PAK4: variants seen among roughly 807,000 people sequenced by gnomAD.
PAK4 encodes p21 (RAC1) activated kinase 4.
PAK4 carries 49 observed loss-of-function variants against 53.5 expected under a neutral mutation model. The observed-to-expected ratio is 0.92, with a 90% CI of 0.73 to 1.16. The LOEUF is 1.16. Ranked by LOEUF, PAK4 falls within the 50% of genes most tolerant of loss-of-function variation. PAK4 has a pLI of 0.00. For missense variants in PAK4, 824 were observed against 850.7 expected (o/e 0.97, Z 0.39); for synonymous variants, 376 against 375.6 (o/e 1.00, Z -0.01).
intron 1 of PAK4, among the ~76,000 whole-genome samples, chr19:39,146,716 C>T (rs2074004508): frequency 6.6e-6 from 1 of 152,072 alleles, no homozygotes; most frequent in Non-Finnish European, 1.5e-5. Context: ...TGCTGTGCAC[C>T]TGGAGTCCCA....
rs998001153 is a variant in PAK4, at chr19:39,173,510, T to C, written c.664-66T>C. 3.8e-5 allele frequency: 53 copies of C among 1,407,208 alleles called. No homozygotes were observed. The highest frequency in any genetic ancestry group is 7.0e-5 in the Admixed American group (3 of 42,900). 87.2% of individuals were successfully genotyped at this position (1,407,208 alleles called of 1,614,324 possible). On this transcript the variant is annotated intron_variant, in intron 3 of 8. Transcript: ENST00000358301. This position sits in a 1 kb window ranked among gnomAD's most constrained non-coding sequence, Gnocchi z 6.9. ...TGTCTGTCCCATCGCTGGGTCTCTC[T>C]CCTGCTTAGGGAGCAGAGCTGCTCC...
At chr19:39,159,102 A>T (rs929467598) in intron 1 of PAK4, among the ~76,000 whole-genome samples, 3 of 152,156 alleles carry the variant, frequency 2.0e-5, no homozygotes, top group African/African-American at 7.2e-5. Flanking sequence ...TTTGCAGATG[A>T]GGACACTGAG....
At chr19:39,163,431 G>A (rs746614921) in intron 1 of PAK4, among the ~76,000 whole-genome samples, 11 of 152,044 alleles carry the variant, frequency 7.2e-5, no homozygotes, top group African/African-American at 9.7e-5. Flanking sequence ...GCACGCTCAC[G>A]TCTGCTGACA....
rs781291016 is a variant in PAK4, at chr19:39,175,385, G to A, written c.1306G>A (p.Val436Ile). Residue 436 changes from valine (V) to isoleucine (I), a missense_variant, in exon 6 of 9, where the codon GTC (valine) becomes ATC (isoleucine). This residue lies in a region of PAK4 where 346 missense variants were observed against 415.0 expected (regional missense o/e 0.83). Coordinates refer to ENST00000358301, the Ensembl canonical transcript of PAK4. This position sits in a 1 kb window ranked among gnomAD's most constrained non-coding sequence, Gnocchi z 4.7. ...CCTGTCGGTGCTCCACGCCCAGGGC[G>A]TCATCCACCGGGACATCAAGAGCGA... 6 of 1,610,944 alleles carry A rather than the reference G, an allele frequency of 3.7e-6. No individual in the cohort carries two copies. In the South Asian group the frequency reaches 4.4e-5, roughly 12 times the overall value.
intron 2 of PAK4, among the ~76,000 whole-genome samples, chr19:39,171,810 C>T (rs1600397773): frequency 6.6e-6 from 1 of 152,256 alleles, no homozygotes; most frequent in Admixed American, 6.5e-5. Context: ...CCCACGTTCT[C>T]AGCTCACTGT....
chr19:39,156,168 C>T (rs1266149622), intron 1 of PAK4, among the ~76,000 whole-genome samples: 1 of 152,188 alleles, frequency 6.6e-6, no homozygotes, highest in Non-Finnish European at 1.5e-5. Context: ...GGCAGAGTGG[C>T]CCCTTTCCTC....
At chr19:39,149,231 G>A (rs868012523) in intron 1 of PAK4, among the ~76,000 whole-genome samples, 1 of 152,196 alleles carries the variant, frequency 6.6e-6, no homozygotes, top group African/African-American at 2.4e-5. Context: ...AGAGCTAAAA[G>A]GTGGAAACAG....
chr19:39,144,468 AC>A (rs2073967872), intron 1 of PAK4, among the ~76,000 whole-genome samples: 1 of 152,136 alleles, frequency 6.6e-6, no homozygotes, highest in South Asian at 2.1e-4. Context: ...GGGATGCTTG[AC>A]CCAAATCTTC....
At chr19:39,138,672 A>G (rs73046448) in intron 1 of PAK4, among the ~76,000 whole-genome samples, 4,760 of 152,254 alleles carry the variant, frequency 0.031, 115 homozygotes, top group Non-Finnish European at 0.048. Flanking sequence ...CACTTCTCCC[A>G]TTCTCTGCTT....
At chr19:39,154,308 G>A (rs1036629915) in intron 1 of PAK4, among the ~76,000 whole-genome samples, 2 of 152,170 alleles carry the variant, frequency 1.3e-5, no homozygotes, top group African/African-American at 4.8e-5. Context: ...GGAGAGCCAC[G>A]GAATGTTTTC....
At chr19:39,165,582 A>G (rs1244390231) in intron 1 of PAK4, among the ~76,000 whole-genome samples, 1 of 151,866 alleles carries the variant, frequency 6.6e-6, no homozygotes, top group Non-Finnish European at 1.5e-5. Flanking sequence ...CAACAGTGTC[A>G]CCTCAGCCCT....
chr19:39,136,533 G>A (rs1331598831), intron 1 of PAK4: 3 of 152,278 alleles, frequency 2.0e-5, no homozygotes, highest in Admixed American at 6.5e-5. Flanking sequence ...TCCCGACCAT[G>A]GGTCCCCAGG....
At chr19:39,137,244 C>A (rs952682696) in intron 1 of PAK4, among the ~76,000 whole-genome samples, 3 of 152,130 alleles carry the variant, frequency 2.0e-5, no homozygotes, top group Non-Finnish European at 2.9e-5. Context: ...CGGTTGCCGC[C>A]CATTTGGAGC....
chr19:39,148,577 C>T (rs2074044460), intron 1 of PAK4, among the ~76,000 whole-genome samples: 1 of 141,774 alleles, frequency 7.1e-6, no homozygotes. Context: ...GCTTCAGCCT[C>T]CCAAGTAGCT....
intron 2 of PAK4, 149 bp downstream of exon 3, chr19:39,169,906 C>G (rs2074446459): frequency 1.5e-6 from 1 of 649,604 alleles, no homozygotes; most frequent in East Asian, 2.8e-5. Flanking sequence ...ATCCTGGGTC[C>G]AGTGCTGGCC....
At chr19:39,158,596 G>C (rs2074233549) in intron 1 of PAK4, among the ~76,000 whole-genome samples, 1 of 152,244 alleles carries the variant, frequency 6.6e-6, no homozygotes. Context: ...TGCCCTTTGT[G>C]TCTGTGCCCT....
At chr19:39,153,425 A>C (rs2074125654) in intron 1 of PAK4, among the ~76,000 whole-genome samples, 1 of 151,972 alleles carries the variant, frequency 6.6e-6, no homozygotes, top group Admixed American at 6.6e-5. Flanking sequence ...CACCCGGCTA[A>C]TTTTTGTGTT....
intron 1 of PAK4, among the ~76,000 whole-genome samples, chr19:39,129,494 C>T (rs1043651829): frequency 2.6e-5 from 4 of 152,192 alleles, no homozygotes; most frequent in African/African-American, 7.2e-5. Context: ...CAAGTCATGC[C>T]CCCAGTGGCT....
chr19:39,143,886 TGCTTGA>T (rs1361367105), intron 1 of PAK4, among the ~76,000 whole-genome samples: 6 of 151,142 alleles, frequency 4.0e-5, no homozygotes, highest in Non-Finnish European at 8.8e-5. Context: ...GTGGGAGGAT[TGCTTGA>T]GCCCAGGAGT....
Sources: allele counts gnomAD v4.1 joint callset (sites outside exome capture counted in the v4.1 genomes callset), GRCh38; gene constraint gnomAD v4.1.1; regional missense constraint gnomAD v4.1.1; non-coding constraint Gnocchi (gnomAD v3.1); transcripts MANE v1.5; gene names NCBI Gene and HGNC (gene_info 2026-07-23, HGNC 2026-07-21).